AQR: variants seen among roughly 807,000 people sequenced by gnomAD.
The protein encoded by AQR is RNA helicase aquarius.
Under a neutral mutation model 180.5 loss-of-function variants are expected in AQR, and 61 were observed. The ratio of observed to expected loss-of-function variants is 0.34; its 90% CI spans 0.28 to 0.42. AQR has a LOEUF of 0.42. AQR is among the 10% of genes least tolerant of loss of function. AQR has a pLI of 1.00. For missense variants in AQR, 1,281 were observed against 1,798.3 expected (o/e 0.71, Z 5.20); for synonymous variants, 551 against 588.8 (o/e 0.94, Z 0.93).
intron 27 of AQR, among the ~76,000 whole-genome samples, chr15:34,878,289 G>A (rs1892914902): frequency 1.3e-5 from 2 of 151,092 alleles, no homozygotes; most frequent in Non-Finnish European, 2.9e-5. Flanking sequence ...GGGAGGCTGA[G>A]GCACTAGAAG....
chr15:34,888,727 C>T (rs748888552), intron 24 of AQR, among the ~76,000 whole-genome samples: 1 of 152,102 alleles, frequency 6.6e-6, no homozygotes, highest in African/African-American at 2.4e-5. Context: ...ATAAAAATTA[C>T]AAATAACAGC....
chr15:34,925,014 A>C lies in AQR; in HGVS notation c.1118+2021T>G, dbSNP rs566413803. 4.7e-4 allele frequency among the ~76,000 whole-genome samples: 72 copies of C among 152,182 alleles called. 1 individual carries two copies. Among genetic ancestry groups the C allele is most frequent in the African/African-American group, 1.6e-3 (65 of 41,568 alleles). On this transcript the variant is annotated intron_variant, in intron 13 of 34. Transcript: ENST00000156471. The stretch of plus-strand genomic sequence containing the variant: ...GAAGGACTTCTACATAAAGCATCTA[A>C]TATAGTTATTAAAAAGAATGACAGT...
chr15:34,890,827 C>T (rs1304896499), intron 23 of AQR, among the ~76,000 whole-genome samples: 1 of 152,182 alleles, frequency 6.6e-6, no homozygotes. Flanking sequence ...GAGCAGAGCA[C>T]TCATTTATTG....
At chr15:34,919,712 C>T (rs1027273213) in intron 14 of AQR, among the ~76,000 whole-genome samples, 12 of 152,008 alleles carry the variant, frequency 7.9e-5, no homozygotes, top group East Asian at 1.9e-4. Flanking sequence ...GCCTGGCCAA[C>T]GTGGCGAAAC....
chr15:34,886,202 T>C (rs934435626), intron 25 of AQR, among the ~76,000 whole-genome samples: 1 of 152,160 alleles, frequency 6.6e-6, no homozygotes, highest in African/African-American at 2.4e-5. Context: ...TGCCACTGGC[T>C]AGCTAGAATA....
chr15:34,906,761 A>T (rs1160893249), intron 17 of AQR, 49 bp from the exon 18 acceptor site: 1 of 1,564,514 alleles, frequency 6.4e-7, no homozygotes, highest in Non-Finnish European at 8.7e-7. Context: ...CATTGTTTTC[A>T]GTCTTTTGTA....
At position 34,855,874 on chromosome 15, in the gene AQR, T is replaced by G. The variant is rs961804282; in HGVS notation, c.*918A>C. On this transcript the variant is annotated 3_prime_UTR_variant, in exon 35 of 35. Coordinates refer to ENST00000156471, the MANE Select transcript of AQR (RefSeq NM_014691.3). Reference sequence around the variant, plus strand: ...CCAGGTACCTCTGCCTTCCCATATTTGAACCACATTTTACCTGAAGGTCTC... The same window carrying G: ...CCAGGTACCTCTGCCTTCCCATATTGGAACCACATTTTACCTGAAGGTCTC... 1 of 152,210 alleles carries G rather than the reference T, an allele frequency of 6.6e-6. No homozygotes were observed. Among genetic ancestry groups the G allele is most frequent in the Non-Finnish European group, 1.5e-5 (1 of 68,034 alleles). 9.4% of individuals were successfully genotyped at this position (152,210 alleles called of 1,614,324 possible).
rs780994919 is a variant in AQR at position 34,964,380 on chromosome 15, A to G, written c.76-90T>C. The G allele has an allele frequency of 5.7e-6, 6 of 1,055,468 alleles. No individual in the cohort carries two copies. In the South Asian group the frequency reaches 8.0e-5, roughly 14 times the overall value. 65.4% of individuals were successfully genotyped at this position (1,055,468 alleles called of 1,614,324 possible). A position where few individuals can be genotyped will look rare whatever the true frequency, so the allele number is the denominator to read the frequency against. ...TCATTTAGTGATAAGCGGTTTCTTA[A>G]CAAGGCCCTACTCGGCACTGGGGGA... is the stretch of plus-strand genomic sequence containing the variant. On this transcript the variant is annotated intron_variant, in intron 1 of 34. Transcript: ENST00000156471.
chr15:34,877,117 G>A (rs1334439750), intron 27 of AQR, among the ~76,000 whole-genome samples: 1 of 152,160 alleles, frequency 6.6e-6, no homozygotes, highest in African/African-American at 2.4e-5. Flanking sequence ...GAAAAATCAA[G>A]TCTTTCTAAA....
At chr15:34,928,124 T>A (rs1192447819) in intron 12 of AQR, among the ~76,000 whole-genome samples, 1 of 152,138 alleles carries the variant, frequency 6.6e-6, no homozygotes, top group Non-Finnish European at 1.5e-5. Flanking sequence ...TCTGCGTTAA[T>A]CCTTCTTCCA....
At chr15:34,900,445 G>A (rs576568811) in intron 20 of AQR, among the ~76,000 whole-genome samples, 177 bp downstream of exon 20, 1 of 152,174 alleles carries the variant, frequency 6.6e-6, no homozygotes, top group Non-Finnish European at 1.5e-5. Context: ...AACTTCTGCA[G>A]TAAGAAATAG....
intron 6 of AQR, 34 bp downstream of exon 6, chr15:34,944,254 T>G: frequency 1.3e-6 from 2 of 1,545,870 alleles, no homozygotes; most frequent in Non-Finnish European, 1.7e-6. Flanking sequence ...ACAAGAAAAC[T>G]TGAAAATTAC....
intron 25 of AQR, among the ~76,000 whole-genome samples, chr15:34,886,146 T>C (rs1325497863): frequency 6.6e-6 from 1 of 152,202 alleles, no homozygotes; most frequent in Non-Finnish European, 1.5e-5. Flanking sequence ...AATGTTTTCC[T>C]TCATTAGTTG....
intron 16 of AQR, among the ~76,000 whole-genome samples, chr15:34,913,249 T>C (rs1893526601): frequency 6.6e-6 from 1 of 152,186 alleles, no homozygotes; most frequent in African/African-American, 2.4e-5. Context: ...CCCCTTTCTC[T>C]TCTTATAAAA....
intron 28 of AQR, among the ~76,000 whole-genome samples, chr15:34,875,319 T>C (rs1413367834): frequency 2.0e-5 from 3 of 152,198 alleles, no homozygotes; most frequent in Non-Finnish European, 4.4e-5. Flanking sequence ...CTACTTCAAT[T>C]TCCTACTCTA....
chr15:34,897,758 T>A, intron 20 of AQR, 53 bp from the exon 21 acceptor site: 1 of 1,584,096 alleles, frequency 6.3e-7, no homozygotes, highest in Non-Finnish European at 8.6e-7. Context: ...ATTTACTGAG[T>A]ACCTATCTGG....
chr15:34,961,701 G>A (rs1428276951), intron 2 of AQR, among the ~76,000 whole-genome samples: 1 of 140,988 alleles, frequency 7.1e-6, no homozygotes, highest in African/African-American at 2.6e-5. Context: ...TCAGACTCTC[G>A]AATTGGAAGA....
intron 3 of AQR, among the ~76,000 whole-genome samples, chr15:34,955,166 A>G (rs1213390899): frequency 6.6e-6 from 1 of 152,208 alleles, no homozygotes; most frequent in Non-Finnish European, 1.5e-5. Context: ...AGTTACAAAC[A>G]ATAATCACAA....
intron 5 of AQR, among the ~76,000 whole-genome samples, chr15:34,947,632 T>C (rs1894150969): frequency 6.6e-6 from 1 of 151,926 alleles, no homozygotes; most frequent in Admixed American, 6.6e-5. Flanking sequence ...GAACATTATA[T>C]ACTTGTGCTT....
Sources: allele counts gnomAD v4.1 joint callset (sites outside exome capture counted in the v4.1 genomes callset), GRCh38; gene constraint gnomAD v4.1.1; transcripts MANE v1.5; gene names NCBI Gene and HGNC (gene_info 2026-07-23, HGNC 2026-07-21).